BLTP1: variants seen among roughly 807,000 people sequenced by gnomAD.
BLTP1 encodes the protein bridge-like lipid transfer protein family member 1.
At chr4:122,351,232 A>G in the BLTP1 span, 1 of 864,930 alleles carries the variant, frequency 1.2e-6, no homozygotes, top group South Asian at 5.3e-5. Flanking sequence ...CACAGAAGTA[A>G]TACGTATACA....
chr4:122,199,036 C>A, the BLTP1 span, among the ~76,000 whole-genome samples: 5 of 151,792 alleles, frequency 3.3e-5, no homozygotes, highest in Admixed American at 2.0e-4. Flanking sequence ...AAATATGTAC[C>A]CTTGAGTCAG....
At chr4:122,258,386 AC>A in the BLTP1 span, among the ~76,000 whole-genome samples, 1 of 152,206 alleles carries the variant, frequency 6.6e-6, no homozygotes, top group Non-Finnish European at 1.5e-5. Context: ...AAGTTTGAAA[AC>A]CAGTACACTG....
At chr4:122,210,041 A>C in the BLTP1 span, 1 of 1,380,432 alleles carries the variant, frequency 7.2e-7, no homozygotes, top group South Asian at 1.6e-5. Flanking sequence ...GTATAAATAT[A>C]GTCTTACATA....
chr4:122,314,056 A>G, the BLTP1 span: 10 of 967,900 alleles, frequency 1.0e-5, no homozygotes, highest in African/African-American at 7.0e-5. Context: ...ATTGAAATGT[A>G]TAAAAAGAAG....
the BLTP1 span, chr4:122,224,583 CAGA>C: frequency 1.2e-6 from 2 of 1,614,064 alleles, no homozygotes; most frequent in Middle Eastern, 1.7e-4. Flanking sequence ...ATGTTCTCAG[CAGA>C]AGGTCTTCCT....
At chr4:122,230,273 G>T in the BLTP1 span, 2 of 1,381,924 alleles carry the variant, frequency 1.4e-6, no homozygotes, top group Non-Finnish European at 2.0e-6. Flanking sequence ...CTAGATAATT[G>T]TAGAGGAAAT....
the BLTP1 span, chr4:122,301,252 T>A: frequency 6.7e-7 from 1 of 1,485,768 alleles, no homozygotes; most frequent in East Asian, 2.6e-5. Flanking sequence ...AAATAGTTAT[T>A]TTTTTTCTTT....
chr4:122,339,778 T>C, the BLTP1 span, among the ~76,000 whole-genome samples: 1 of 152,182 alleles, frequency 6.6e-6, no homozygotes, highest in East Asian at 1.9e-4. Flanking sequence ...GTATTATAAA[T>C]GGAAAATAAG....
the BLTP1 span, chr4:122,328,274 G>T: frequency 4.3e-6 from 7 of 1,610,860 alleles, no homozygotes; most frequent in Non-Finnish European, 5.1e-6. Context: ...ATGACAGTTT[G>T]TCTTCTACCA....
the BLTP1 span, chr4:122,162,435 C>A: frequency 1.4e-6 from 1 of 699,664 alleles, no homozygotes; most frequent in Non-Finnish European, 1.8e-6. Context: ...AGGGGATTAA[C>A]CAGTGCACTG....
At chr4:122,193,182 A>G in the BLTP1 span, among the ~76,000 whole-genome samples, 1 of 152,194 alleles carries the variant, frequency 6.6e-6, no homozygotes, top group South Asian at 2.1e-4. Context: ...ATCTCCAAAT[A>G]TAGTCACATT....
chr4:122,229,427 C>T, the BLTP1 span, among the ~76,000 whole-genome samples: 6 of 152,184 alleles, frequency 3.9e-5, no homozygotes, highest in Non-Finnish European at 7.4e-5. Flanking sequence ...GGCATACTTT[C>T]ACCAGTTATT....
At chr4:122,231,030 AGACAAAACAT>A in the BLTP1 span, among the ~76,000 whole-genome samples, 1 of 152,188 alleles carries the variant, frequency 6.6e-6, no homozygotes, top group Non-Finnish European at 1.5e-5. Context: ...ATTACCAAAA[AGACAAAACAT>A]GTTTTATTTA....
At chr4:122,165,012 A>G in the BLTP1 span, among the ~76,000 whole-genome samples, 1 of 152,178 alleles carries the variant, frequency 6.6e-6, no homozygotes, top group Non-Finnish European at 1.5e-5. Flanking sequence ...TATGCACTGT[A>G]AGTAGGTGCA....
At chr4:122,303,042 C>A in the BLTP1 span, among the ~76,000 whole-genome samples, 1 of 152,148 alleles carries the variant, frequency 6.6e-6, no homozygotes, top group Non-Finnish European at 1.5e-5. Context: ...TTCCATGTAG[C>A]CTTCTATGGG....
At chr4:122,262,310 A>G in the BLTP1 span, among the ~76,000 whole-genome samples, 897 of 152,194 alleles carry the variant, frequency 5.9e-3, 12 homozygotes, top group African/African-American at 0.02. Flanking sequence ...TGCTACCCAT[A>G]TGAATGTTCT....
the BLTP1 span, among the ~76,000 whole-genome samples, chr4:122,329,282 A>C: frequency 1.3e-5 from 2 of 151,720 alleles, no homozygotes; most frequent in African/African-American, 4.8e-5. Flanking sequence ...AGTAAGAAAA[A>C]CTGTTCTGTT....
At chr4:122,254,242 G>T in the BLTP1 span, 2 of 1,612,376 alleles carry the variant, frequency 1.2e-6, no homozygotes, top group Admixed American at 3.3e-5. Context: ...TACCTCTGAT[G>T]CCTCCTCCTC....
the BLTP1 span, chr4:122,349,888 G>A: frequency 1.2e-6 from 2 of 1,613,380 alleles, no homozygotes; most frequent in East Asian, 4.5e-5. This position sits in a 1 kb window ranked among gnomAD's most constrained non-coding sequence, Gnocchi z 4.5. Context: ...TTTGAAGTGG[G>A]ATATTTTCCA....
Sources: gnomAD v4.1 joint callset for allele counts (sites outside exome capture counted in the v4.1 genomes callset) on GRCh38, gnomAD v4.1.1 for gene constraint, Gnocchi (gnomAD v3.1) non-coding constraint, MANE v1.5 for transcripts, NCBI Gene and HGNC (gene_info 2026-07-23, HGNC 2026-07-21) for gene names.